ZAN: variants seen among roughly 807,000 people sequenced by gnomAD.
ZAN encodes the protein zonadhesin (gene/pseudogene).
A neutral mutation model predicts 286.2 loss-of-function variants in ZAN; 260 were observed. That is an observed-to-expected ratio of 0.91 (90% CI 0.82 to 1.01). The LOEUF (loss-of-function observed/expected upper bound fraction) is 1.01. Ranked by LOEUF, ZAN falls within the 50% of genes least tolerant of loss-of-function variation. ZAN has a pLI of 0.00. For synonymous variants in ZAN, 1,368 were observed against 1,417.5 expected, an observed-to-expected ratio of 0.97 and a Z score of 0.79; for missense variants, 3,410 against 3,639.2, an observed-to-expected ratio of 0.94 and a Z score of 1.62.
intron 8 of ZAN, 64 bp downstream of exon 8, chr7:100,746,766 G>A: frequency 6.5e-7 from 1 of 1,538,422 alleles, no homozygotes; most frequent in South Asian, 1.2e-5. Context: ...TTGGCTTGAT[G>A]GGGAAACATG....
At chr7:100,794,397 A>AG in intron 44 of ZAN, 139 bp downstream of exon 44, 2 of 1,394,128 alleles carry the variant, frequency 1.4e-6, no homozygotes. Context: ...AGGGAGGGAC[A>AG]AAGGACAAAG....
intron 35 of ZAN, among the ~76,000 whole-genome samples, chr7:100,782,008 A>G (rs1165215586): frequency 1.3e-5 from 2 of 152,142 alleles, no homozygotes; most frequent in Non-Finnish European, 2.9e-5. Flanking sequence ...TCATGTACTT[A>G]GGAACCCTTT....
At chr7:100,741,952 C>T (rs372765087) in intron 7 of ZAN, among the ~76,000 whole-genome samples, 2,945 of 31,676 alleles carry the variant, frequency 0.093, 289 homozygotes, top group East Asian at 0.48. Flanking sequence ...GGCGGCTGGC[C>T]GGGCGGGGGG....
chr7:100,764,775 G>T (rs1402092914), intron 22 of ZAN, among the ~76,000 whole-genome samples: 16 of 152,072 alleles, frequency 1.1e-4, no homozygotes, highest in Non-Finnish European at 2.9e-5. Flanking sequence ...CTACTTGGGA[G>T]GCTGAGGCAG....
intron 37 of ZAN, 132 bp downstream of exon 37, chr7:100,786,273 C>A: frequency 7.3e-7 from 1 of 1,375,610 alleles, no homozygotes; most frequent in Non-Finnish European, 9.9e-7. Flanking sequence ...GCGACTGGAT[C>A]AGGAGGCCTG....
In ZAN at chr7:100,773,828, C is replaced by G; in HGVS notation, c.5742C>G (p.Cys1914Trp). Residue 1914 changes from cysteine to tryptophan, a missense_variant, in exon 31 of 48, where the codon TGC becomes TGG. Around this residue, in one of 7 missense-constraint regions of ZAN, gnomAD observed 1,289 missense variants for 1,314.3 expected, o/e 0.98. Coordinates refer to ENST00000613979, the MANE Select transcript of ZAN (RefSeq NM_003386.3). ...GCACCTGCAAACCCAACCAGATATGCTGGGCCCTGGATGGGCTGCTCCATT... is the reference window on the plus strand; with the variant it reads ...GCACCTGCAAACCCAACCAGATATGGTGGGCCCTGGATGGGCTGCTCCATT... ...FQSTCKPNQI[C>W]WALDGLLHCR... 1 of 1,595,378 alleles carries G rather than the reference C, an allele frequency of 6.3e-7. No homozygotes were observed. Among genetic ancestry groups the G allele is most frequent in the Non-Finnish European group, 8.5e-7 (1 of 1,174,030 alleles).
chr7:100,752,891 T>C lies in ZAN; in HGVS notation c.2786T>C (p.Ile929Thr). ...KPTIPTEKPTIPTEETTISTE... is the reference protein window; with the variant it reads ...KPTIPTEKPTTPTEETTISTE... ...ACCATCCCCACGGAAAAACCCACCA[T>C]CCCCACTGAAGAGACTACCATCTCC... is the stretch of plus-strand genomic sequence containing the variant. Residue 929 changes from isoleucine to threonine, a missense_variant, in exon 14 of 48, where the codon ATC becomes ACC. Coordinates refer to ENST00000613979, the MANE Select transcript of ZAN (RefSeq NM_003386.3). The C allele has an allele frequency of 6.2e-7, 1 of 1,601,230 alleles. No homozygotes were observed. The highest frequency in any genetic ancestry group is 1.1e-5 in the South Asian group (1 of 90,332).
Position 100,773,832 on chromosome 7 carries a change from G to A in ZAN, c.5746G>A (p.Ala1916Thr), listed in dbSNP as rs1431430929. The change falls in exon 31 of 48, where the codon GCC becomes ACC. Residue 1916 changes from alanine to threonine, a missense_variant. Coordinates refer to ENST00000613979, the MANE Select transcript of ZAN (RefSeq NM_003386.3). ...STCKPNQICWALDGLLHCRAS... is the reference protein window; with the variant it reads ...STCKPNQICWTLDGLLHCRAS... ...CTGCAAACCCAACCAGATATGCTGG[G>A]CCCTGGATGGGCTGCTCCATTGTCG... 6.3e-7 allele frequency: 1 copy of A among 1,584,516 alleles called. No individual in the cohort carries two copies.
chr7:100,766,912 G>T, intron 24 of ZAN, 98 bp from the exon 25 acceptor site: 1 of 1,556,782 alleles, frequency 6.4e-7, no homozygotes, highest in East Asian at 2.3e-5. Context: ...TGGGCCGTGG[G>T]GACCATGCCA....
chr7:100,786,090 T>A lies in ZAN; in HGVS notation c.6928T>A (p.Ser2310Thr). 6.2e-7 allele frequency: 1 copy of A among 1,613,860 alleles called. No homozygotes were observed. Among genetic ancestry groups the A allele is most frequent in the Non-Finnish European group, 8.5e-7 (1 of 1,179,850 alleles). Reference protein sequence around the residue: ...QCGDFRCPSGSHCQLTSDNSN... With the variant: ...QCGDFRCPSGTHCQLTSDNSN... ...CGGGGACTTCCGATGCCCCTCTGGG[T>A]CCCACTGCCAGCTCACTTCCGACAA... is the stretch of plus-strand genomic sequence containing the variant. The change falls in exon 37 of 48, where the codon TCC (serine) becomes ACC (threonine). Residue 2310 changes from serine (S) to threonine (T), a missense_variant. Around this residue, in one of 7 missense-constraint regions of ZAN, gnomAD observed 1,289 missense variants for 1,314.3 expected, o/e 0.98. Coordinates refer to ENST00000613979, the MANE Select transcript of ZAN (RefSeq NM_003386.3).
Position 100,776,518 on chromosome 7 carries a change from G to T in ZAN, c.6271G>T (p.Asp2091Tyr). The change falls in exon 34 of 48, where the codon GAC (aspartate) becomes TAC (tyrosine). Residue 2091 changes from aspartate (D) to tyrosine (Y), a missense_variant. By Grantham distance (160) the Asp-to-Tyr change is radical. Around this residue, in one of 7 missense-constraint regions of ZAN, gnomAD observed 1,289 missense variants for 1,314.3 expected, o/e 0.98. Transcript: ENST00000613979. ...GCCCAGCGATGAAGTAGCAAATAGT[G>T]ACAGTGAATTTGTGAACAGTTGGAA... ...MMPSDEVANSDSEFVNSWKDK... is the reference protein window; with the variant it reads ...MMPSDEVANSYSEFVNSWKDK... 6.3e-7 allele frequency: 1 copy of T among 1,577,192 alleles called. No homozygotes were observed. Among genetic ancestry groups the T allele is most frequent in the South Asian group, 1.2e-5 (1 of 85,764 alleles).
chr7:100,765,164 CTTAGTGCT>C (rs1809866817), intron 22 of ZAN, among the ~76,000 whole-genome samples, 180 bp from the exon 23 acceptor site: 1 of 152,212 alleles, frequency 6.6e-6, no homozygotes, highest in South Asian at 2.1e-4. Context: ...GGGCCGGCGC[CTTAGTGCT>C]GGCCCTGCAG....
chr7:100,787,632 G>A (rs749535359), intron 37 of ZAN, among the ~76,000 whole-genome samples: 1 of 152,076 alleles, frequency 6.6e-6, no homozygotes, highest in Non-Finnish European at 1.5e-5. Flanking sequence ...CGATCTCGGC[G>A]CTCACTACAA....
Position 100,767,166 on chromosome 7 carries a change from G to A in ZAN, c.4769G>A (p.Arg1590His), listed in dbSNP as rs376482061. The change falls in exon 25 of 48, where the codon CGC becomes CAC. Residue 1590 changes from arginine (R) to histidine (H), a missense_variant. Arg to His is a conservative substitution (Grantham distance 29, BLOSUM62 0). This residue lies in a region of ZAN where 1,042 missense variants were observed against 1,058.0 expected (regional missense o/e 0.98). Transcript: ENST00000613979. ...GTTGTGAGCGCCACCAACGAGAACC[G>A]CGGGGGGATCCTGGAGGTCTCCTAC... Reference protein sequence around the residue: ...YFVVSATNENRGGILEVSYIK... With the variant: ...YFVVSATNENHGGILEVSYIK... The A allele has an allele frequency of 1.7e-5, 28 of 1,613,670 alleles. No individual in the cohort carries two copies. The highest frequency in any genetic ancestry group is 8.0e-5 in the African/African-American group (6 of 74,878).
In ZAN at chr7:100,768,001, TG is replaced by T. The variant is rs1447114932; in HGVS notation, c.5034del (p.Leu1679CysfsTer67). 1.2e-6 allele frequency: 2 copies of T among 1,611,866 alleles called. No individual in the cohort carries two copies. The highest frequency in any genetic ancestry group is 1.7e-6 in the Non-Finnish European group (2 of 1,178,808). On this transcript the variant is annotated frameshift_variant, in exon 26 of 48. Transcript: ENST00000613979. LOFTEE classifies it high-confidence loss of function. ...VPSSYGGQLC[G>X]LCGNYNNNSL... is the part of the protein sequence containing the mutation. ...CCTCCTCCTATGGCGGCCAGCTCTG[TG>T]GGCTGTGTGGTGAGTTTCCTGGGCA...
chr7:100,770,878 A>T (rs1252793863), intron 28 of ZAN, among the ~76,000 whole-genome samples: 2 of 151,742 alleles, frequency 1.3e-5, no homozygotes, highest in African/African-American at 4.8e-5. Flanking sequence ...ATCTCAGCTC[A>T]CTGCAACCTC....
At position 100,767,201 on chromosome 7, in the gene ZAN, G is replaced by T. The variant is rs764326853; in HGVS notation, c.4804G>T (p.Val1602Phe). The T allele has an allele frequency of 6.2e-7, 1 of 1,613,306 alleles. No individual in the cohort carries two copies. Among genetic ancestry groups the T allele is most frequent in the South Asian group, 1.1e-5 (1 of 91,046 alleles). The change falls in exon 25 of 48, where the codon GTC becomes TTC. Residue 1602 changes from valine (V) to phenylalanine (F), a missense_variant. Physicochemically the swap from Val to Phe is conservative, Grantham distance 50 (BLOSUM62 -1). Coordinates refer to ENST00000613979, the MANE Select transcript of ZAN (RefSeq NM_003386.3). Reference sequence around the variant, plus strand: ...CCTGGAGGTCTCCTACATCAAAGCCGTCCACGTGACAGTCTTTGACCTCAG... The same window carrying T: ...CCTGGAGGTCTCCTACATCAAAGCCTTCCACGTGACAGTCTTTGACCTCAG... Reference protein sequence around the residue: ...GILEVSYIKAVHVTVFDLSIS... With the variant: ...GILEVSYIKAFHVTVFDLSIS...
intron 34 of ZAN, among the ~76,000 whole-genome samples, chr7:100,778,890 G>A (rs891259666): frequency 2.0e-5 from 3 of 151,844 alleles, no homozygotes; most frequent in Admixed American, 6.6e-5. Context: ...AAAACTAGCC[G>A]GTCATGGTGG....
At chr7:100,764,219 G>A in intron 22 of ZAN, 23 bp downstream of exon 22, 5 of 1,505,362 alleles carry the variant, frequency 3.3e-6, no homozygotes, top group Non-Finnish European at 4.4e-6. Context: ...AAACTCAGAG[G>A]AGAGGCCGGG....
Sources: allele counts gnomAD v4.1 joint callset (sites outside exome capture counted in the v4.1 genomes callset), GRCh38; gene constraint gnomAD v4.1.1; regional missense constraint gnomAD v4.1.1; transcripts MANE v1.5; gene names NCBI Gene and HGNC (gene_info 2026-07-23, HGNC 2026-07-21).